NIBAN1: variants seen among roughly 807,000 people sequenced by gnomAD.
NIBAN1 encodes the protein niban apoptosis regulator 1, also known as protein Niban 1.
In NIBAN1, 81 loss-of-function variants were observed where a neutral mutation model predicts 75.1. That is an observed-to-expected ratio of 1.08 (90% CI 0.90 to 1.30). The LOEUF (loss-of-function observed/expected upper bound fraction) is 1.30, where lower values mean the gene tolerates loss of function less well. NIBAN1 is among the 50% of genes most tolerant of loss of function. The probability of loss-of-function intolerance (pLI) is 0.00; values close to 1 mark genes in which losing one functional copy is unlikely to be tolerated. For synonymous variants in NIBAN1, 436 were observed against 424.8 expected, an observed-to-expected ratio of 1.03 and a Z score of -0.32; for missense variants, 1,133 against 1,128.1, an observed-to-expected ratio of 1.00 and a Z score of -0.06.
intron 5 of NIBAN1, among the ~76,000 whole-genome samples, chr1:184,878,937 T>G (rs531632330): frequency 6.6e-6 from 1 of 152,120 alleles, no homozygotes; most frequent in African/African-American, 2.4e-5. Flanking sequence ...GAGGGGAAGT[T>G]GGGGAGGGAA....
At chr1:184,829,543 T>C (rs1024818101) in intron 6 of NIBAN1, among the ~76,000 whole-genome samples, 65 of 146,134 alleles carry the variant, frequency 4.4e-4, no homozygotes, top group African/African-American at 1.5e-3. Context: ...CTTGGCTCAC[T>C]GCAACCTCCG....
chr1:184,866,232 G>A (rs965897981), intron 5 of NIBAN1, among the ~76,000 whole-genome samples: 7 of 152,138 alleles, frequency 4.6e-5, no homozygotes, highest in Non-Finnish European at 1.0e-4. Context: ...GGACAGGTAC[G>A]AGAGAAGGAA....
chr1:184,964,064 T>TAAA (rs76525602), intron 1 of NIBAN1, among the ~76,000 whole-genome samples: 57 of 127,392 alleles, frequency 4.5e-4, no homozygotes, highest in Middle Eastern at 4.1e-3. Context: ...CTAAATAAGC[T>TAAA]AAAAAAAAAA....
intron 1 of NIBAN1, among the ~76,000 whole-genome samples, chr1:184,944,805 G>A (rs1375372460): frequency 6.6e-6 from 1 of 152,186 alleles, no homozygotes; most frequent in African/African-American, 2.4e-5. Context: ...TATAGGCCCA[G>A]GCCAGAGCAT....
At chr1:184,855,702 T>G (rs1655660028) in intron 5 of NIBAN1, among the ~76,000 whole-genome samples, 1 of 152,212 alleles carries the variant, frequency 6.6e-6, no homozygotes, top group Admixed American at 6.5e-5. Flanking sequence ...ATTTTCTGTT[T>G]CCACCATTGG....
rs752031254 is a variant in NIBAN1 at position 184,793,578 on chromosome 1, TA to T, written c.*1398del. 1 of 151,896 alleles carries T rather than the reference TA, an allele frequency of 6.6e-6. No homozygotes were observed. The highest frequency in any genetic ancestry group is 6.6e-5 in the Admixed American group (1 of 15,242). 9.4% of individuals were successfully genotyped at this position (151,896 alleles called of 1,614,324 possible). On this transcript the variant is annotated 3_prime_UTR_variant, in exon 14 of 14. Coordinates refer to ENST00000367511, the MANE Select transcript of NIBAN1 (RefSeq NM_052966.4). ...CTCAAAAAAATAGAATAAAATAAAA[TA>T]AAAAGTCGGGGAGGGAAACCACGAT... is the stretch of plus-strand genomic sequence containing the variant.
intron 1 of NIBAN1, among the ~76,000 whole-genome samples, chr1:184,923,152 TAG>T (rs1657603448): frequency 6.6e-6 from 1 of 152,240 alleles, no homozygotes; most frequent in African/African-American, 2.4e-5. Flanking sequence ...TCCAATGTCC[TAG>T]AGAGTTTCCC....
chr1:184,852,186 G>C (rs187925036), intron 5 of NIBAN1, among the ~76,000 whole-genome samples: 1 of 152,104 alleles, frequency 6.6e-6, no homozygotes, highest in East Asian at 1.9e-4. Context: ...ATTGTTTGGT[G>C]TGGTTTACTC....
Position 184,806,253 on chromosome 1 carries a change from G to A in NIBAN1, c.1336-197C>T, listed in dbSNP as rs866872558. On this transcript the variant is annotated intron_variant, in intron 10 of 13. Transcript: ENST00000367511. ...AAATGGTCACGTGGTCACAGTGGGA[G>A]CAGGAAGAAGTTGGAAAACCCAAGG... Among the ~76,000 whole-genome samples the A allele has an allele frequency of 2.0e-5, 3 of 152,236 alleles. No individual in the cohort carries two copies. The South Asian group carries it at 6.2e-4, about 32-fold the overall frequency.
chr1:184,799,148 C>T (rs946040995), intron 12 of NIBAN1, among the ~76,000 whole-genome samples: 2 of 152,006 alleles, frequency 1.3e-5, no homozygotes, highest in Non-Finnish European at 2.9e-5. Context: ...CCCACTTACT[C>T]GTCATCTAGC....
Position 184,794,880 on chromosome 1 carries a change from TA to T in NIBAN1, c.*96del. 1.3e-6 allele frequency: 2 copies of T among 1,543,586 alleles called. No homozygotes were observed. Among genetic ancestry groups the T allele is most frequent in the Non-Finnish European group, 1.8e-6 (2 of 1,130,218 alleles). ...TTATTATTCAAATTAAGAAAATACT[TA>T]AAAATTTTTTGGTAACAGCTTGCAT... On this transcript the variant is annotated 3_prime_UTR_variant, in exon 14 of 14. Transcript: ENST00000367511.
At chr1:184,954,576 G>A (rs1658435590) in intron 1 of NIBAN1, among the ~76,000 whole-genome samples, 1 of 152,154 alleles carries the variant, frequency 6.6e-6, no homozygotes, top group Non-Finnish European at 1.5e-5. Context: ...GTTCTTCAGG[G>A]GCAGGGCAAA....
chr1:184,808,059 C>T lies in NIBAN1; in HGVS notation c.1335+15G>A. The T allele has an allele frequency of 2.5e-6, 4 of 1,613,460 alleles. No individual in the cohort carries two copies. The highest frequency in any genetic ancestry group is 3.4e-6 in the Non-Finnish European group (4 of 1,179,646). On this transcript the variant is annotated intron_variant, in intron 10 of 13. Transcript: ENST00000367511. ...CTTTACCCTCATCCACCACGGATGC[C>T]CCTGCCACACCCACCTCCTGCATGT... is the stretch of plus-strand genomic sequence containing the variant.
chr1:184,836,845 G>A (rs1655158481), intron 5 of NIBAN1, among the ~76,000 whole-genome samples: 2 of 152,134 alleles, frequency 1.3e-5, no homozygotes, highest in African/African-American at 4.8e-5. Flanking sequence ...ATTCATCATT[G>A]TATTTTCAGC....
At chr1:184,914,604 G>A (rs1657333111) in intron 1 of NIBAN1, among the ~76,000 whole-genome samples, 3 of 152,058 alleles carry the variant, frequency 2.0e-5, no homozygotes, top group Admixed American at 1.3e-4. Flanking sequence ...TATAATTGAG[G>A]ATTACAACAT....
At chr1:184,855,205 C>A (rs1655643986) in intron 5 of NIBAN1, among the ~76,000 whole-genome samples, 1 of 152,170 alleles carries the variant, frequency 6.6e-6, no homozygotes, top group African/African-American at 2.4e-5. Flanking sequence ...ATAGTTGTAA[C>A]AGCATATAAA....
At chr1:184,824,949 A>G (rs1654805260) in intron 6 of NIBAN1, among the ~76,000 whole-genome samples, 1 of 152,202 alleles carries the variant, frequency 6.6e-6, no homozygotes, top group African/African-American at 2.4e-5. Flanking sequence ...TGGTGTGGGA[A>G]AACTAAAATT....
At chr1:184,940,080 G>A (rs1658051122) in intron 1 of NIBAN1, among the ~76,000 whole-genome samples, 1 of 152,178 alleles carries the variant, frequency 6.6e-6, no homozygotes, top group Non-Finnish European at 1.5e-5. Context: ...CAGTGAGAAG[G>A]CAATGTCTCC....
intron 10 of NIBAN1, 114 bp from the exon 11 acceptor site, chr1:184,806,170 G>A: frequency 1.4e-6 from 1 of 725,570 alleles, no homozygotes; most frequent in Non-Finnish European, 2.3e-6. Flanking sequence ...AGTCCCCTCG[G>A]CTGCTATTCG....
Sources: gnomAD v4.1 joint callset for allele counts (sites outside exome capture counted in the v4.1 genomes callset) on GRCh38, gnomAD v4.1.1 for gene constraint, MANE v1.5 for transcripts, NCBI Gene and HGNC (gene_info 2026-07-23, HGNC 2026-07-21) for gene names.